Variants in PCDHGB4 observed in about 807,000 individuals in gnomAD.
The protein encoded by PCDHGB4 is protocadherin gamma-B4.
In PCDHGB4, 38 loss-of-function variants were observed where a neutral mutation model predicts 60.5. The observed-to-expected ratio is 0.63, with a 90% CI of 0.48 to 0.82. The LOEUF is 0.82. PCDHGB4 is among the 40% of genes least tolerant of loss of function. The probability of loss-of-function intolerance (pLI) is 0.00; values close to 1 mark genes in which losing one functional copy is unlikely to be tolerated. For missense variants in PCDHGB4, 1,109 were observed against 1,209.6 expected (o/e 0.92, Z 1.23); for synonymous variants, 456 against 509.7 (o/e 0.89, Z 1.42).
At chr5:141,427,557 A>G (rs1437024906) in intron 1 of PCDHGB4, 1 of 650,060 alleles carries the variant, frequency 1.5e-6, no homozygotes, top group Non-Finnish European at 2.8e-6. Flanking sequence ...TGCCACTGAC[A>G]AGGGCAAGCC....
At chr5:141,452,854 A>G (rs137963870) in intron 1 of PCDHGB4, among the ~76,000 whole-genome samples, 109 of 152,264 alleles carry the variant, frequency 7.2e-4, no homozygotes, top group African/African-American at 2.5e-3. Flanking sequence ...CTCTGGGGAG[A>G]TGATTTTCTA....
chr5:141,423,159 G>A lies in PCDHGB4; in HGVS notation c.2397+32878G>A, dbSNP rs750186629. On this transcript the variant is annotated intron_variant, in intron 1 of 3. Transcript: ENST00000519479. Reference sequence around the variant, plus strand: ...GAGACGCGCTCAAGCAGAGCCTCGTGGTGGCCGTCCAGGACCACGGCCAGC... The same window carrying A: ...GAGACGCGCTCAAGCAGAGCCTCGTAGTGGCCGTCCAGGACCACGGCCAGC... The A allele has an allele frequency of 1.9e-5, 31 of 1,610,746 alleles. 1 individual carries two copies. The highest frequency in any genetic ancestry group is 3.3e-4 in the Middle Eastern group (2 of 6,080).
intron 1 of PCDHGB4, among the ~76,000 whole-genome samples, chr5:141,449,579 ACT>A (rs370512396): frequency 0.052 from 7,360 of 141,924 alleles, 400 homozygotes; most frequent in African/African-American, 0.14. Flanking sequence ...ACAGAGCAAG[ACT>A]CTGTCTCAAA....
chr5:141,400,254 G>T, intron 1 of PCDHGB4: 1 of 1,613,980 alleles, frequency 6.2e-7, no homozygotes, highest in Non-Finnish European at 8.5e-7. Flanking sequence ...CCGTTGCCTT[G>T]CGCCTGCGAC....
At chr5:141,421,894 C>A in intron 1 of PCDHGB4, 3 of 1,613,704 alleles carry the variant, frequency 1.9e-6, no homozygotes, top group Non-Finnish European at 2.5e-6. Context: ...CGATCCCATC[C>A]GAAAGGGCGC....
intron 1 of PCDHGB4, chr5:141,398,353 A>G: frequency 2.9e-6 from 4 of 1,397,978 alleles, no homozygotes; most frequent in Non-Finnish European, 4.0e-6. Flanking sequence ...GCCTTACTTC[A>G]CCGTGAGCGC....
chr5:141,492,005 C>T (rs1444993907), intron 1 of PCDHGB4: 2 of 642,268 alleles, frequency 3.1e-6, no homozygotes, highest in Admixed American at 7.4e-5. Flanking sequence ...GGGCGATTTC[C>T]GCGGGTGTCG....
intron 2 of PCDHGB4, among the ~76,000 whole-genome samples, chr5:141,497,219 A>G (rs974609491): frequency 6.7e-6 from 1 of 149,602 alleles, no homozygotes; most frequent in South Asian, 2.1e-4. Context: ...TGGGGGGGGG[A>G]AGATCAGAGA....
intron 1 of PCDHGB4, chr5:141,421,286 T>G: frequency 6.2e-7 from 1 of 1,613,284 alleles, no homozygotes; most frequent in Non-Finnish European, 8.5e-7. Flanking sequence ...CTGTGCATTT[T>G]CCTGGGGACG....
Position 141,431,614 on chromosome 5 carries a change from C to G in PCDHGB4, c.2397+41333C>G. ...TGAGGTATTCCTTCCGGTATGTGGACGACAAGGCGGCCCAAGTTTTCAAAC... is the reference window on the plus strand; with the variant it reads ...TGAGGTATTCCTTCCGGTATGTGGAGGACAAGGCGGCCCAAGTTTTCAAAC... On this transcript the variant is annotated intron_variant, in intron 1 of 3. Coordinates refer to ENST00000519479, the MANE Select transcript of PCDHGB4 (RefSeq NM_003736.4). This position sits in a 1 kb window ranked among gnomAD's most constrained non-coding sequence, Gnocchi z 4.8. 6.2e-7 allele frequency: 1 copy of G among 1,614,206 alleles called. No homozygotes were observed. The highest frequency in any genetic ancestry group is 1.1e-5 in the South Asian group (1 of 91,092).
intron 1 of PCDHGB4, chr5:141,408,761 G>A (rs1469424988): frequency 8.7e-6 from 14 of 1,610,446 alleles, no homozygotes; most frequent in Non-Finnish European, 1.2e-5. Flanking sequence ...AGTTAATTCC[G>A]ATGGTGGCAA....
At chr5:141,435,180 C>G (rs1341148119) in intron 1 of PCDHGB4, among the ~76,000 whole-genome samples, 1 of 152,074 alleles carries the variant, frequency 6.6e-6, no homozygotes, top group African/African-American at 2.4e-5. Context: ...TTTAACTACA[C>G]TTGAGATGGC....
rs943867570 is a variant in PCDHGB4 at position 141,493,651 on chromosome 5, T to C, written c.2398-1156T>C. On this transcript the variant is annotated intron_variant, in intron 1 of 3. Coordinates refer to ENST00000519479, the MANE Select transcript of PCDHGB4 (RefSeq NM_003736.4). The surrounding 1 kb of genome is among the most constrained non-coding windows in gnomAD (Gnocchi z 4.3). ...AGTGGCTGAGGGCTGGCCATCCCTGTGCCCTTCTCCATGGCAGCCCCAGAA... is the reference window on the plus strand; with the variant it reads ...AGTGGCTGAGGGCTGGCCATCCCTGCGCCCTTCTCCATGGCAGCCCCAGAA... Among the ~76,000 whole-genome samples, 1 of 152,204 alleles carries C rather than the reference T, an allele frequency of 6.6e-6. No individual in the cohort carries two copies. The highest frequency in any genetic ancestry group is 1.5e-5 in the Non-Finnish European group (1 of 68,030).
chr5:141,414,052 T>C, intron 1 of PCDHGB4: 1 of 1,610,346 alleles, frequency 6.2e-7, no homozygotes, highest in Non-Finnish European at 8.5e-7. Flanking sequence ...TGACACGCAA[T>C]TGTTGAAGTT....
chr5:141,428,251 T>G, intron 1 of PCDHGB4: 2 of 893,496 alleles, frequency 2.2e-6, no homozygotes, highest in Non-Finnish European at 3.6e-6. Context: ...ACTGCCAGAC[T>G]TCAGTGACAG....
intron 2 of PCDHGB4, among the ~76,000 whole-genome samples, chr5:141,502,866 C>CTTTTTCTT (rs2099816520): frequency 1.6e-5 from 2 of 128,030 alleles, no homozygotes; most frequent in African/African-American, 6.2e-5. Flanking sequence ...GACTCTCTGT[C>CTTTTTCTT]TTTTTTTTTT....
chr5:141,403,527 C>G lies in PCDHGB4; in HGVS notation c.2397+13246C>G. The G allele has an allele frequency of 3.1e-6, 5 of 1,614,022 alleles. No homozygotes were observed. The South Asian group carries it at 5.5e-5, about 18-fold the overall frequency. The stretch of plus-strand genomic sequence containing the variant: ...ACTGGAGACAATGGAGCCATAAACC[C>G]AGAGCTGGTGCTGGAGCGCGCCCTG... On this transcript the variant is annotated intron_variant, in intron 1 of 3. Coordinates refer to ENST00000519479, the MANE Select transcript of PCDHGB4 (RefSeq NM_003736.4).
At chr5:141,437,999 C>T (rs1230507077) in intron 1 of PCDHGB4, among the ~76,000 whole-genome samples, 1 of 152,062 alleles carries the variant, frequency 6.6e-6, no homozygotes, top group African/African-American at 2.4e-5. Flanking sequence ...CCTCAGCCTC[C>T]CAAATAGCTG....
intron 1 of PCDHGB4, chr5:141,422,190 A>G (rs761351024): frequency 6.4e-7 from 1 of 1,561,412 alleles, no homozygotes. Flanking sequence ...TGGAAATTCA[A>G]GGCCAAGATG....
Sources: allele counts gnomAD v4.1 joint callset (sites outside exome capture counted in the v4.1 genomes callset), GRCh38; gene constraint gnomAD v4.1.1; non-coding constraint Gnocchi (gnomAD v3.1); transcripts MANE v1.5; gene names NCBI Gene and HGNC (gene_info 2026-07-23, HGNC 2026-07-21).